CABLES1: variants seen among roughly 807,000 people sequenced by gnomAD.
The protein encoded by CABLES1 is CDK5 and ABL1 enzyme substrate 1.
Under a neutral mutation model 57.8 loss-of-function variants are expected in CABLES1, and 36 were observed. That is an observed-to-expected ratio of 0.62 (90% confidence interval 0.48 to 0.82). CABLES1 has a LOEUF of 0.82. Among genes scored for constraint, CABLES1 ranks in the 40% least tolerant of loss-of-function variants. The pLI is 0.00. For missense variants in CABLES1, 767 were observed against 836.6 expected (o/e 0.92, Z 1.03); for synonymous variants, 374 against 363.0 (o/e 1.03, Z -0.35).
At chr18:23,157,577 A>G (rs1437119147) in intron 1 of CABLES1, among the ~76,000 whole-genome samples, 1 of 152,250 alleles carries the variant, frequency 6.6e-6, no homozygotes, top group Admixed American at 6.5e-5. Context: ...CCTTCTCACC[A>G]GGCTGTGCTG....
intron 7 of CABLES1, among the ~76,000 whole-genome samples, chr18:23,245,411 T>C (rs1162071171): frequency 6.6e-6 from 1 of 150,380 alleles, no homozygotes; most frequent in African/African-American, 2.5e-5. Flanking sequence ...CTTGGGAGAC[T>C]GAGGCACGAG....
rs1598897963 is a variant in CABLES1 at position 23,258,477 on chromosome 18, C to CT, written c.*1111dup. The CT allele has an allele frequency of 6.6e-6, 1 of 152,268 alleles. No individual in the cohort carries two copies. The highest frequency in any genetic ancestry group is 1.9e-4 in the East Asian group (1 of 5,176). The allele number at this position is 152,268 out of a possible 1,614,324, so 9.4% of individuals were successfully genotyped here. ...TCTTAACATTCCCACGTGCCCAGGG[C>CT]TGTTCATGCAAGATTTTAATGGTGA... On this transcript the variant is annotated 3_prime_UTR_variant, in exon 10 of 10. Coordinates refer to ENST00000256925, the MANE Select transcript of CABLES1 (RefSeq NM_001100619.3).
intron 1 of CABLES1, among the ~76,000 whole-genome samples, chr18:23,139,403 CAAAAAAAAA>C (rs61297552): frequency 9.0e-6 from 1 of 111,176 alleles, no homozygotes; most frequent in African/African-American, 3.6e-5. Context: ...AACTCCATCT[CAAAAAAAAA>C]AAAAAAAAAA....
At chr18:23,236,292 T>A (rs1006416763) in intron 6 of CABLES1, among the ~76,000 whole-genome samples, 1 of 152,160 alleles carries the variant, frequency 6.6e-6, no homozygotes, top group African/African-American at 2.4e-5. Context: ...GCCAAGGCCG[T>A]GCACACCATG....
chr18:23,207,950 C>T (rs1424420181), intron 3 of CABLES1, among the ~76,000 whole-genome samples: 1 of 152,186 alleles, frequency 6.6e-6, no homozygotes, highest in Non-Finnish European at 1.5e-5. Context: ...CACAGATTCT[C>T]AGATGCATCA....
chr18:23,211,313 G>GT (rs2047403232), intron 3 of CABLES1, among the ~76,000 whole-genome samples: 1 of 152,250 alleles, frequency 6.6e-6, no homozygotes, highest in Non-Finnish European at 1.5e-5. Context: ...TCCTGCCACT[G>GT]TGTTGCAGAG....
intron 3 of CABLES1, among the ~76,000 whole-genome samples, chr18:23,210,518 T>C (rs1387714943): frequency 6.6e-6 from 1 of 152,168 alleles, no homozygotes; most frequent in Non-Finnish European, 1.5e-5. Flanking sequence ...CTTGTGTATC[T>C]CCATTACCAT....
intron 7 of CABLES1, among the ~76,000 whole-genome samples, chr18:23,249,886 G>T (rs117595757): frequency 1.2e-4 from 19 of 152,346 alleles, no homozygotes; most frequent in Non-Finnish European, 1.8e-4. Flanking sequence ...AGTGCATGGG[G>T]CACGAGCTGG....
intron 1 of CABLES1, among the ~76,000 whole-genome samples, chr18:23,162,653 A>T (rs1418298498): frequency 6.6e-6 from 1 of 152,232 alleles, no homozygotes; most frequent in African/African-American, 2.4e-5. Flanking sequence ...AGGAGAGAAC[A>T]AGCAGGTGAA....
chr18:23,148,456 A>G (rs915729264), intron 1 of CABLES1, among the ~76,000 whole-genome samples: 3 of 152,092 alleles, frequency 2.0e-5, no homozygotes, highest in Admixed American at 1.3e-4. Flanking sequence ...CCTTGACCCC[A>G]TGGTTAAACA....
intron 4 of CABLES1, 43 bp from the exon 5 acceptor site, chr18:23,234,565 T>C: frequency 7.0e-7 from 1 of 1,422,696 alleles, no homozygotes; most frequent in Non-Finnish European, 9.9e-7. Context: ...CTCTTTGAGG[T>C]GCACACAAAA....
chr18:23,224,070 T>C (rs2047509441), intron 4 of CABLES1, among the ~76,000 whole-genome samples: 2 of 151,400 alleles, frequency 1.3e-5, no homozygotes, highest in Admixed American at 6.6e-5. Flanking sequence ...AGCTCAAATA[T>C]AGTCTTTTAA....
chr18:23,213,930 C>A lies in CABLES1; in HGVS notation c.1011-47C>A, dbSNP rs192990467. On this transcript the variant is annotated intron_variant, in intron 3 of 9. Coordinates refer to ENST00000256925, the MANE Select transcript of CABLES1 (RefSeq NM_001100619.3). ...ATAGATTTTGTTTTTTAGTTTGATTCTTTGCATTTAGTGTGTTTGTTGTTT... is the reference window on the plus strand; with the variant it reads ...ATAGATTTTGTTTTTTAGTTTGATTATTTGCATTTAGTGTGTTTGTTGTTT... The A allele has an allele frequency of 1.3e-5, 17 of 1,322,230 alleles. No individual in the cohort carries two copies. In the South Asian group the frequency reaches 2.1e-4, roughly 16 times the overall value. The allele number at this position is 1,322,230 out of a possible 1,614,324, so 81.9% of individuals were successfully genotyped here. A position where few individuals can be genotyped will look rare whatever the true frequency, so the allele number is the denominator to read the frequency against.
chr18:23,167,587 T>TCAG (rs1290425799), intron 1 of CABLES1, among the ~76,000 whole-genome samples: 3 of 152,172 alleles, frequency 2.0e-5, no homozygotes, highest in African/African-American at 4.8e-5. Context: ...GTTCAGACAT[T>TCAG]CAGCAGCATT....
At chr18:23,151,015 GTTTTT>G (rs56227106) in intron 1 of CABLES1, among the ~76,000 whole-genome samples, 5 of 94,824 alleles carry the variant, frequency 5.3e-5, no homozygotes, top group Middle Eastern at 6.3e-3. Context: ...CCTGGCCTAC[GTTTTT>G]TTTTTTTTTT....
intron 1 of CABLES1, among the ~76,000 whole-genome samples, chr18:23,186,871 G>A (rs1333630157): frequency 1.3e-5 from 2 of 152,186 alleles, no homozygotes; most frequent in African/African-American, 2.4e-5. Flanking sequence ...TCTGCAATGG[G>A]CAGATGTGAG....
intron 7 of CABLES1, among the ~76,000 whole-genome samples, chr18:23,242,162 T>C (rs1410171377): frequency 1.3e-5 from 2 of 152,026 alleles, no homozygotes; most frequent in African/African-American, 2.4e-5. Flanking sequence ...CCTGTAATCC[T>C]GGCTACTCAG....
rs1194865329 is a variant in CABLES1, at chr18:23,136,182, C to T, written c.420C>T (p.Leu140=). ...TAGCCGCTGGGTCCGGCCCCTGCCT[C>T]CCACAGCCCTCGTCGCTGCCGCCCT... The part of the protein sequence containing the change: ...AGLAAGSGPC[L]PQPSSLPPLI... The change falls in exon 1 of 10, where the codon CTC becomes CTT. Residue 140 remains leucine (L), a synonymous_variant. Coordinates refer to ENST00000256925, the MANE Select transcript of CABLES1 (RefSeq NM_001100619.3). The T allele has an allele frequency of 8.1e-7, 1 of 1,230,994 alleles. No individual in the cohort carries two copies. Among genetic ancestry groups the T allele is most frequent in the East Asian group, 3.3e-5 (1 of 30,218 alleles). 76.3% of individuals were successfully genotyped at this position (1,230,994 alleles called of 1,614,324 possible). A position where few individuals can be genotyped will look rare whatever the true frequency, so the allele number is the denominator to read the frequency against.
chr18:23,201,089 C>T (rs972334371), intron 3 of CABLES1, among the ~76,000 whole-genome samples: 1 of 152,234 alleles, frequency 6.6e-6, no homozygotes, highest in Non-Finnish European at 1.5e-5. Context: ...AACCAAGATG[C>T]AGATACTTCA....
Sources: allele counts gnomAD v4.1 joint callset (sites outside exome capture counted in the v4.1 genomes callset), GRCh38; gene constraint gnomAD v4.1.1; transcripts MANE v1.5; gene names NCBI Gene and HGNC (gene_info 2026-07-23, HGNC 2026-07-21).